Variants in CNPY4 observed in about 807,000 individuals in gnomAD.
CNPY4 encodes protein canopy homolog 4.
In CNPY4, 33 loss-of-function variants were observed where a neutral mutation model predicts 30.1. That is an observed-to-expected ratio of 1.10 (90% CI 0.83 to 1.46). The LOEUF (loss-of-function observed/expected upper bound fraction) is 1.46. Among genes scored for constraint, CNPY4 ranks in the 40% most tolerant of loss-of-function variants. The pLI is 0.00. For missense variants in CNPY4, 324 were observed against 302.6 expected, an observed-to-expected ratio of 1.07 and a Z score of -0.52; for synonymous variants, 109 against 110.1, an observed-to-expected ratio of 0.99 and a Z score of 0.06.
Position 100,122,257 on chromosome 7 carries a change from A to G in CNPY4, c.119-2A>G. On this transcript the variant is annotated splice_acceptor_variant, in intron 1 of 5. Transcript: ENST00000262932. LOFTEE classifies it high-confidence loss of function. ...CCCCCGGACGTTTCTCCTCCCCACCAGTGTGTAAGCTGCTGAGCACAGAGC... is the reference window on the plus strand; with the variant it reads ...CCCCCGGACGTTTCTCCTCCCCACCGGTGTGTAAGCTGCTGAGCACAGAGC... 6.3e-7 allele frequency: 1 copy of G among 1,594,300 alleles called. No homozygotes were observed. Among genetic ancestry groups the G allele is most frequent in the Non-Finnish European group, 8.6e-7 (1 of 1,168,990 alleles).
chr7:100,121,130 T>TACA (rs1798050393), intron 1 of CNPY4: 1 of 83,258 alleles, frequency 1.2e-5, no homozygotes, highest in African/African-American at 4.3e-5. Context: ...TTTTTTTTTT[T>TACA]TTTTTTTTTT....
Position 100,119,735 on chromosome 7 carries a change from G to A in CNPY4, c.-10G>A. The A allele has an allele frequency of 1.2e-6, 2 of 1,614,166 alleles. No individual in the cohort carries two copies. Among genetic ancestry groups the A allele is most frequent in the East Asian group, 2.2e-5 (1 of 44,880 alleles). On this transcript the variant is annotated 5_prime_UTR_variant, in exon 1 of 6. Transcript: ENST00000262932. ...GGCAAGCGGTGATTGTTTGTAGACGGCGCTTTGTCATGGGACCTGTGCGGT... is the reference window on the plus strand; with the variant it reads ...GGCAAGCGGTGATTGTTTGTAGACGACGCTTTGTCATGGGACCTGTGCGGT...
intron 4 of CNPY4, among the ~76,000 whole-genome samples, chr7:100,123,471 C>G (rs775328993): frequency 6.6e-6 from 1 of 152,078 alleles, no homozygotes; most frequent in East Asian, 1.9e-4. Flanking sequence ...AGTTAGAGAC[C>G]AGCTTGTGCA....
In CNPY4 at chr7:100,124,636, G is replaced by A. The variant is rs1380495967; in HGVS notation, c.583+5G>A. ...TGCTCCCAGCTGCTGAAACTGGTAAGCGTAAGGGTTGAACTCCTCTCCTGC... is the reference window on the plus strand; with the variant it reads ...TGCTCCCAGCTGCTGAAACTGGTAAACGTAAGGGTTGAACTCCTCTCCTGC... On this transcript the variant is annotated splice_donor_5th_base_variant and intron_variant, in intron 5 of 5. Coordinates refer to ENST00000262932, the MANE Select transcript of CNPY4 (RefSeq NM_152755.2). 1 of 1,612,830 alleles carries A rather than the reference G, an allele frequency of 6.2e-7. No individual in the cohort carries two copies. The highest frequency in any genetic ancestry group is 8.5e-7 in the Non-Finnish European group (1 of 1,179,236).
At position 100,119,907 on chromosome 7, in the gene CNPY4, TC is replaced by T. The variant is rs1797979047; in HGVS notation, c.118+47del. 6 of 1,527,590 alleles carry T rather than the reference TC, an allele frequency of 3.9e-6. No homozygotes were observed. The East Asian group carries it at 1.4e-4, about 35-fold the overall frequency. 94.6% of individuals were successfully genotyped at this position (1,527,590 alleles called of 1,614,324 possible). On this transcript the variant is annotated intron_variant, in intron 1 of 5. Coordinates refer to ENST00000262932, the MANE Select transcript of CNPY4 (RefSeq NM_152755.2). ...CCTATAGGCATCGCCCGGCCACACCTCCTTCTTCTAGGCCGGACATCCTAGC... is the reference window on the plus strand; with the variant it reads ...CCTATAGGCATCGCCCGGCCACACCTCTTCTTCTAGGCCGGACATCCTAGC...
At chr7:100,121,118 T>TATATATATATA (rs1798048567) in intron 1 of CNPY4, 4 of 31,896 alleles carry the variant, frequency 1.3e-4, no homozygotes, top group Non-Finnish European at 1.6e-4. Flanking sequence ...ATATATATAT[T>TATATATATATA]TTTTTTTTTT....
At position 100,119,725 on chromosome 7, in the gene CNPY4, T is replaced by C. The variant is rs746217181; in HGVS notation, c.-20T>C. The C allele has an allele frequency of 5.8e-5, 94 of 1,613,888 alleles. No homozygotes were observed. In the Admixed American group the frequency reaches 1.5e-3, roughly 26 times the overall value. On this transcript the variant is annotated 5_prime_UTR_variant, in exon 1 of 6. Transcript: ENST00000262932. ...CGAAGTTGAAGGCAAGCGGTGATTG[T>C]TTGTAGACGGCGCTTTGTCATGGGA...
chr7:100,124,646 TG>T lies in CNPY4; in HGVS notation c.583+16del. The T allele has an allele frequency of 6.2e-7, 1 of 1,612,168 alleles. No individual in the cohort carries two copies. The highest frequency in any genetic ancestry group is 8.5e-7 in the Non-Finnish European group (1 of 1,178,626). On this transcript the variant is annotated intron_variant, in intron 5 of 5. Coordinates refer to ENST00000262932, the MANE Select transcript of CNPY4 (RefSeq NM_152755.2). ...TGCTGAAACTGGTAAGCGTAAGGGTTGAACTCCTCTCCTGCCAAGCCATAGC... is the reference window on the plus strand; with the variant it reads ...TGCTGAAACTGGTAAGCGTAAGGGTTAACTCCTCTCCTGCCAAGCCATAGC...
chr7:100,122,078 C>T (rs1431548715), intron 1 of CNPY4, 181 bp from the exon 2 acceptor site: 4 of 581,538 alleles, frequency 6.9e-6, no homozygotes, highest in Admixed American at 3.4e-5. Context: ...ATGAAGAAAC[C>T]GAGGCACAGC....
At position 100,119,663 on chromosome 7, in the gene CNPY4, A is replaced by G. The variant is rs571625827; in HGVS notation, c.-82A>G. On this transcript the variant is annotated 5_prime_UTR_variant, in exon 1 of 6. Transcript: ENST00000262932. ...CTCGGCTGGATTTAAGGTTGCCGCT[A>G]GCCGCCTGGGAATTTAAGGGACCCA... The G allele has an allele frequency of 6.2e-6, 10 of 1,611,536 alleles. No homozygotes were observed. The highest frequency in any genetic ancestry group is 2.7e-5 in the African/African-American group (2 of 74,864).
chr7:100,122,216 G>GT (rs1798092659), intron 1 of CNPY4, 43 bp from the exon 2 acceptor site: 2 of 1,610,942 alleles, frequency 1.2e-6, no homozygotes, highest in Non-Finnish European at 1.7e-6. Context: ...TGGCTGGTGT[G>GT]TTTGTCTTTT....
intron 4 of CNPY4, 81 bp from the exon 5 acceptor site, chr7:100,124,433 C>A: frequency 1.8e-6 from 2 of 1,093,270 alleles, no homozygotes; most frequent in South Asian, 1.3e-5. Flanking sequence ...CAAAATCAGT[C>A]AGGTTGAGCA....
rs151184122 is a variant in CNPY4 at position 100,124,570 on chromosome 7, T to C, written c.522T>C (p.His174=). The change falls in exon 5 of 6, where the codon CAT becomes CAC. Residue 174 remains histidine (H), a synonymous_variant. Transcript: ENST00000262932. ...EDIVGDWYFH[H]QEQPLQNFLC... is the part of the protein sequence containing the mutation. ...TTGTGGGAGACTGGTACTTCCACCA[T>C]CAGGAGCAGCCCCTACAAAATTTTC... 4 of 1,612,998 alleles carry C rather than the reference T, an allele frequency of 2.5e-6. No individual in the cohort carries two copies. Among genetic ancestry groups the C allele is most frequent in the Non-Finnish European group, 3.4e-6 (4 of 1,179,716 alleles).
chr7:100,122,560 T>TC lies in CNPY4; in HGVS notation c.326dup (p.Leu110ThrfsTer35), dbSNP rs757479739. 8 of 1,610,562 alleles carry TC rather than the reference T, an allele frequency of 5.0e-6. No homozygotes were observed. The highest frequency in any genetic ancestry group is 3.4e-6 in the Non-Finnish European group (4 of 1,178,116). On this transcript the variant is annotated frameshift_variant, in exon 3 of 6. Coordinates refer to ENST00000262932, the MANE Select transcript of CNPY4 (RefSeq NM_152755.2). LOFTEE classifies it high-confidence loss of function. Reference sequence around the variant, plus strand: ...TAGTGTTCACGCTGAGCGCAAGGGCTCACTGAGATATGCCAAGGTCAGACC... The same window carrying TC: ...TAGTGTTCACGCTGAGCGCAAGGGCTCCACTGAGATATGCCAAGGTCAGACC...
At chr7:100,123,975 A>C (rs1172156602) in intron 4 of CNPY4, among the ~76,000 whole-genome samples, 4 of 152,090 alleles carry the variant, frequency 2.6e-5, no homozygotes, top group African/African-American at 9.7e-5. Flanking sequence ...CTAAAAATAC[A>C]AGAATTAGCC....
intron 3 of CNPY4, 103 bp from the exon 4 acceptor site, chr7:100,122,681 C>A: frequency 6.6e-7 from 1 of 1,522,982 alleles, no homozygotes; most frequent in Admixed American, 1.9e-5. Flanking sequence ...CATCATGGAA[C>A]TCACCCTTGA....
Position 100,124,594 on chromosome 7 carries a change from T to C in CNPY4, c.546T>C (p.Phe182=). Reference sequence around the variant, plus strand: ...ATCAGGAGCAGCCCCTACAAAATTTTCTCTGTGAAGGTCATGTGCTCCCAG... The same window carrying C: ...ATCAGGAGCAGCCCCTACAAAATTTCCTCTGTGAAGGTCATGTGCTCCCAG... ...FHHQEQPLQN[F]LCEGHVLPAA... is the part of the protein sequence containing the mutation. Residue 182 remains phenylalanine, a synonymous_variant, in exon 5 of 6, where the codon TTT becomes TTC. Coordinates refer to ENST00000262932, the MANE Select transcript of CNPY4 (RefSeq NM_152755.2). 6.2e-7 allele frequency: 1 copy of C among 1,613,262 alleles called. No individual in the cohort carries two copies. Among genetic ancestry groups the C allele is most frequent in the South Asian group, 1.1e-5 (1 of 91,002 alleles).
In CNPY4 at chr7:100,122,347, T is replaced by C. The variant is rs1394082178; in HGVS notation, c.207T>C (p.Asp69=). 1 of 1,614,046 alleles carries C rather than the reference T, an allele frequency of 6.2e-7. No individual in the cohort carries two copies. The highest frequency in any genetic ancestry group is 8.5e-7 in the Non-Finnish European group (1 of 1,180,014). ...REVLELGQVL[D]TGKRKRHVPY... ...TGCTGGAGCTGGGGCAGGTGCTGGA[T>C]ACAGGCAAGAGGAAGAGACACGTGC... Residue 69 remains aspartate, a synonymous_variant, in exon 2 of 6, where the codon GAT becomes GAC. Coordinates refer to ENST00000262932, the MANE Select transcript of CNPY4 (RefSeq NM_152755.2).
At chr7:100,123,784 T>C (rs1798144731) in intron 4 of CNPY4, among the ~76,000 whole-genome samples, 2 of 152,152 alleles carry the variant, frequency 1.3e-5, no homozygotes, top group Non-Finnish European at 2.9e-5. Flanking sequence ...CCTCCCAAAG[T>C]GCTGGGATTA....
Sources: gnomAD v4.1 joint callset for allele counts (sites outside exome capture counted in the v4.1 genomes callset) on GRCh38, gnomAD v4.1.1 for gene constraint, MANE v1.5 for transcripts, NCBI Gene and HGNC (gene_info 2026-07-23, HGNC 2026-07-21) for gene names.